TBCE: variants seen among roughly 807,000 people sequenced by gnomAD.
The protein encoded by TBCE is tubulin-specific chaperone E.
A neutral mutation model predicts 77.0 loss-of-function variants in TBCE; 53 were observed. The ratio of observed to expected loss-of-function variants is 0.69; its 90% CI spans 0.55 to 0.87. TBCE has a LOEUF of 0.87. Among genes scored for constraint, TBCE ranks in the 40% least tolerant of loss-of-function variants. TBCE has a pLI of 0.00. For synonymous variants in TBCE, 235 were observed against 241.3 expected (o/e 0.97, Z 0.24); for missense variants, 624 against 622.4 (o/e 1.00, Z -0.03).
intron 13 of TBCE, among the ~76,000 whole-genome samples, chr1:235,440,468 C>G (rs1448140403): frequency 6.6e-6 from 1 of 152,016 alleles, no homozygotes; most frequent in Non-Finnish European, 1.5e-5. Flanking sequence ...TCTCGGCTCA[C>G]TGCAACCTCT....
At chr1:235,427,985 G>A (rs1252250831) in intron 6 of TBCE, among the ~76,000 whole-genome samples, 2 of 151,796 alleles carry the variant, frequency 1.3e-5, no homozygotes, top group African/African-American at 2.4e-5. Flanking sequence ...AGCTGAGATC[G>A]TGCCATTGCA....
rs149185894 is a variant in TBCE, at chr1:235,376,162, GA to G, written c.-31-3847del. Among the ~76,000 whole-genome samples the G allele has an allele frequency of 3.3e-4, 49 of 150,116 alleles. No homozygotes were observed. The East Asian group carries it at 5.1e-3, about 15-fold the overall frequency. ...TGGGCACAGCATACAGGTAGGAATG[GA>G]AAAAAAAAATTGTTACTGGAGATTA... On this transcript the variant is annotated intron_variant, in intron 1 of 16. Coordinates refer to ENST00000642610, the MANE Select transcript of TBCE (RefSeq NM_003193.5).
At chr1:235,417,833 A>G (rs1193452176) in intron 4 of TBCE, among the ~76,000 whole-genome samples, 2 of 152,006 alleles carry the variant, frequency 1.3e-5, no homozygotes, top group Non-Finnish European at 2.9e-5. Flanking sequence ...CTGGAGCGCA[A>G]TGGTGTGATC....
intron 15 of TBCE, 60 bp from the exon 16 acceptor site, chr1:235,448,289 C>G (rs1386737616): frequency 3.7e-6 from 5 of 1,336,762 alleles, no homozygotes; most frequent in Admixed American, 3.4e-5. Context: ...ATCACATGAG[C>G]TAGTTTTACA....
At chr1:235,414,862 T>C in intron 4 of TBCE, 1 of 481,172 alleles carries the variant, frequency 2.1e-6, no homozygotes, top group Non-Finnish European at 3.8e-6. Flanking sequence ...CCATTATTAC[T>C]ATTCACATCA....
intron 6 of TBCE, among the ~76,000 whole-genome samples, chr1:235,427,621 T>C (rs1426149306): frequency 6.6e-6 from 1 of 152,096 alleles, no homozygotes; most frequent in Non-Finnish European, 1.5e-5. Flanking sequence ...TTCATTTACA[T>C]AGTAAGATTA....
At chr1:235,436,345 A>G in intron 9 of TBCE, 41 bp from the exon 10 acceptor site, 1 of 1,590,678 alleles carries the variant, frequency 6.3e-7, no homozygotes, top group African/African-American at 1.3e-5. Flanking sequence ...ATAGCATTTT[A>G]CATTGTTCTG....
At position 235,450,563 on chromosome 1, in the gene TBCE, G is replaced by C; in HGVS notation, c.*1801G>C. 2.0e-6 allele frequency: 1 copy of C among 502,472 alleles called. No individual in the cohort carries two copies. Among genetic ancestry groups the C allele is most frequent in the Middle Eastern group, 5.5e-4 (1 of 1,820 alleles). The allele number at this position is 502,472 out of a possible 1,614,324, so 31.1% of individuals were successfully genotyped here. ...GGCTGTGGAATACAGAAACAAGGCG[G>C]TGTGTGGATGAAGAGTTAGTCAACA... On this transcript the variant is annotated 3_prime_UTR_variant, in exon 17 of 17. Coordinates refer to ENST00000642610, the MANE Select transcript of TBCE (RefSeq NM_003193.5).
chr1:235,428,797 C>T (rs1054963500), intron 6 of TBCE, among the ~76,000 whole-genome samples: 6 of 150,924 alleles, frequency 4.0e-5, no homozygotes, highest in South Asian at 2.1e-4. Context: ...GCACGAGCCA[C>T]CACGCCCAAC....
At chr1:235,395,997 G>A (rs868296441) in intron 2 of TBCE, among the ~76,000 whole-genome samples, 2 of 152,060 alleles carry the variant, frequency 1.3e-5, no homozygotes, top group Non-Finnish European at 2.9e-5. Context: ...CAAATGACAG[G>A]ATCTCATTAT....
rs1312280635 is a variant in TBCE, at chr1:235,414,374, A to G, written c.186-59A>G. ...TTTTTGAAGACCTTCAGAAAATTGT[A>G]TTTATGGCCTTTCTTGGTGGGTAAT... is the stretch of plus-strand genomic sequence containing the variant. On this transcript the variant is annotated intron_variant, in intron 3 of 16. Coordinates refer to ENST00000642610, the MANE Select transcript of TBCE (RefSeq NM_003193.5). The G allele has an allele frequency of 4.5e-6, 7 of 1,572,398 alleles. No individual in the cohort carries two copies. The African/African-American group carries it at 6.8e-5, about 15-fold the overall frequency.
chr1:235,387,765 G>T (rs1475473520), intron 2 of TBCE, among the ~76,000 whole-genome samples: 2 of 152,176 alleles, frequency 1.3e-5, no homozygotes, highest in African/African-American at 2.4e-5. Context: ...ATGAGGGAAA[G>T]ATGTTACAGG....
In TBCE at chr1:235,449,025, T is replaced by C; in HGVS notation, c.*263T>C. ...TACAGCTCATCACTGCATTTCATGA[T>C]AAGATTTAAATATTAAATAGAAAGA... On this transcript the variant is annotated 3_prime_UTR_variant, in exon 17 of 17. Transcript: ENST00000642610. The C allele has an allele frequency of 2.6e-6, 1 of 378,108 alleles. No individual in the cohort carries two copies. The highest frequency in any genetic ancestry group is 5.0e-6 in the Non-Finnish European group (1 of 200,164). 23.4% of individuals were successfully genotyped at this position (378,108 alleles called of 1,614,324 possible).
At chr1:235,404,457 A>AG (rs1479125066) in intron 3 of TBCE, among the ~76,000 whole-genome samples, 1 of 151,776 alleles carries the variant, frequency 6.6e-6, no homozygotes, top group Non-Finnish European at 1.5e-5. Context: ...ATGCCTGCAT[A>AG]GGGCACTTAG....
intron 12 of TBCE, among the ~76,000 whole-genome samples, chr1:235,437,742 C>G (rs1295567021): frequency 6.6e-6 from 1 of 151,454 alleles, no homozygotes; most frequent in African/African-American, 2.4e-5. Context: ...ATCACCTGAG[C>G]CCGGGAGGCC....
intron 7 of TBCE, among the ~76,000 whole-genome samples, chr1:235,431,078 T>G (rs557623423): frequency 3.9e-5 from 6 of 152,318 alleles, no homozygotes; most frequent in Admixed American, 3.9e-4. Flanking sequence ...CGTTATGGTA[T>G]GAACCAGTAT....
At chr1:235,436,728 C>T (rs1363775963) in intron 11 of TBCE, 120 bp downstream of exon 11, 23 of 991,432 alleles carry the variant, frequency 2.3e-5, no homozygotes, top group Non-Finnish European at 3.6e-5. Flanking sequence ...AGAAATACCT[C>T]CTCAGAGTGA....
At chr1:235,407,134 CTT>C (rs1233356015) in intron 3 of TBCE, among the ~76,000 whole-genome samples, 69 of 138,448 alleles carry the variant, frequency 5.0e-4, no homozygotes, top group Admixed American at 6.5e-4. Context: ...TGGCCCCCGC[CTT>C]TTTTTTTTTT....
chr1:235,436,332 C>A, intron 9 of TBCE, 54 bp from the exon 10 acceptor site: 2 of 1,546,626 alleles, frequency 1.3e-6, no homozygotes, highest in South Asian at 1.1e-5. Flanking sequence ...TGGTTGATAC[C>A]CCATAGCATT....
Sources: gnomAD v4.1 joint callset for allele counts (sites outside exome capture counted in the v4.1 genomes callset) on GRCh38, gnomAD v4.1.1 for gene constraint, MANE v1.5 for transcripts, NCBI Gene and HGNC (gene_info 2026-07-23, HGNC 2026-07-21) for gene names.